Variants in GRID1 observed in about 807,000 individuals in gnomAD.
GRID1 encodes glutamate ionotropic receptor delta type subunit 1, also known as glutamate receptor ionotropic, delta-1.
Under a neutral mutation model 98.0 loss-of-function variants are expected in GRID1, and 28 were observed. The observed-to-expected ratio is 0.29, with a 90% CI of 0.21 to 0.39. The LOEUF (loss-of-function observed/expected upper bound fraction) is 0.39. Among genes scored for constraint, GRID1 ranks in the 10% least tolerant of loss-of-function variants. The probability of loss-of-function intolerance (pLI) is 1.00; values close to 1 mark genes in which losing one functional copy is unlikely to be tolerated. For synonymous variants in GRID1, 553 were observed against 538.5 expected, an observed-to-expected ratio of 1.03 and a Z score of -0.37; for missense variants, 1,111 against 1,340.5, an observed-to-expected ratio of 0.83 and a Z score of 2.67.
chr10:85,724,636 T>A lies in GRID1; in HGVS notation c.1574A>T (p.Glu525Val). The change falls in exon 11 of 16, where the codon GAG becomes GTG. Residue 525 changes from glutamate to valine, a missense_variant. Physicochemically the swap from Glu to Val is moderately radical, Grantham distance 121. Transcript: ENST00000327946. ...LAISAITITP[E>V]RESVVDFSKR... ...GCTGAAGTCCACAACGCTCTCCCTC[T>A]CTGGGGTGATGGTGATGGCAGAGAT... The A allele has an allele frequency of 6.2e-7, 1 of 1,612,712 alleles. No individual in the cohort carries two copies. Among genetic ancestry groups the A allele is most frequent in the South Asian group, 1.1e-5 (1 of 91,078 alleles).
At chr10:85,728,634 ATGT>A (rs1177827426) in intron 9 of GRID1, among the ~76,000 whole-genome samples, 1 of 152,220 alleles carries the variant, frequency 6.6e-6, no homozygotes, top group Non-Finnish European at 1.5e-5. Flanking sequence ...ACACCTGCAC[ATGT>A]TGTGCTATGC....
intron 4 of GRID1, among the ~76,000 whole-genome samples, chr10:86,049,692 A>G (rs578144011): frequency 2.0e-5 from 3 of 152,316 alleles, no homozygotes; most frequent in East Asian, 3.9e-4. Flanking sequence ...TTATGGCTGC[A>G]TTGCTTGGCT....
In GRID1 at chr10:85,834,704, C is replaced by A. The variant is rs952547119; in HGVS notation, c.1233+19792G>T. Among the ~76,000 whole-genome samples, 67 of 152,048 alleles carry A rather than the reference C, an allele frequency of 4.4e-4. 1 individual carries two copies. The highest frequency in any genetic ancestry group is 1.6e-3 in the African/African-American group (65 of 41,516). ...ACTCAAAGTGGCAAAATGTTAACAC[C>A]AATAAACTGATAAGTCACATATGTG... is the stretch of plus-strand genomic sequence containing the variant. On this transcript the variant is annotated intron_variant, in intron 8 of 15. Coordinates refer to ENST00000327946, the MANE Select transcript of GRID1 (RefSeq NM_017551.3).
Position 85,856,421 on chromosome 10 carries a change from G to C in GRID1, c.952-231C>G, listed in dbSNP as rs73338530. Among the ~76,000 whole-genome samples, 841 of 152,320 alleles carry C rather than the reference G, an allele frequency of 5.5e-3. 6 individuals are homozygous for C. Among genetic ancestry groups the C allele is most frequent in the African/African-American group, 0.019 (793 of 41,558 alleles). On this transcript the variant is annotated intron_variant, in intron 6 of 15. Coordinates refer to ENST00000327946, the MANE Select transcript of GRID1 (RefSeq NM_017551.3). ...TCAGGAACTAGAGTGGGATGTGCATGTGTACATCAACAAGGAGAACCCTTA... is the reference window on the plus strand; with the variant it reads ...TCAGGAACTAGAGTGGGATGTGCATCTGTACATCAACAAGGAGAACCCTTA...
Position 85,979,976 on chromosome 10 carries a change from C to A in GRID1, c.727-63737G>T, listed in dbSNP as rs186959159. Among the ~76,000 whole-genome samples the A allele has an allele frequency of 1.1e-3, 167 of 152,356 alleles. 1 individual carries two copies. Among genetic ancestry groups the A allele is most frequent in the Admixed American group, 8.2e-3 (125 of 15,308 alleles). On this transcript the variant is annotated intron_variant, in intron 4 of 15. Coordinates refer to ENST00000327946, the MANE Select transcript of GRID1 (RefSeq NM_017551.3). ...ACAGCAGCCAGAATGAACTTTTCAA[C>A]CAAAACACAAATTTGATAAAAGCAG...
chr10:86,143,399 A>C lies in GRID1; in HGVS notation c.521-4375T>G, dbSNP rs1373704432. ...CCCACCCTACCCCATCCCCCCAAAA[A>C]ACCTGACTGTCTGCTGCTGCTGCTC... On this transcript the variant is annotated intron_variant, in intron 3 of 15. Transcript: ENST00000327946. Among the ~76,000 whole-genome samples, 4 of 152,122 alleles carry C rather than the reference A, an allele frequency of 2.6e-5. No individual in the cohort carries two copies. In the East Asian group the frequency reaches 7.8e-4, roughly 29 times the overall value.
intron 2 of GRID1, among the ~76,000 whole-genome samples, chr10:86,324,826 A>G (rs569795424): frequency 4.0e-4 from 61 of 152,154 alleles, no homozygotes; most frequent in Non-Finnish European, 6.8e-4. Flanking sequence ...TTTTTTTGAC[A>G]TAACTTTTTA....
chr10:85,844,420 TACACACACACACACACAC>T (rs55706189), intron 8 of GRID1, among the ~76,000 whole-genome samples: 2,451 of 133,852 alleles, frequency 0.018, 74 homozygotes, highest in Admixed American at 0.075. Context: ...TACAACTAAA[TACACACACACACACACAC>T]ACACACACAC....
chr10:86,165,607 A>G (rs758796536), intron 3 of GRID1, among the ~76,000 whole-genome samples: 5 of 152,182 alleles, frequency 3.3e-5, no homozygotes, highest in Non-Finnish European at 5.9e-5. Context: ...TTGGGTGGTA[A>G]GTCGTTTCCA....
chr10:86,128,381 C>G (rs1844785099), intron 4 of GRID1, among the ~76,000 whole-genome samples: 1 of 152,174 alleles, frequency 6.6e-6, no homozygotes, highest in Admixed American at 6.5e-5. Context: ...CTGTGATGAT[C>G]TACCTCCCTC....
chr10:85,931,438 T>A (rs1379717601), intron 4 of GRID1, among the ~76,000 whole-genome samples: 5 of 152,248 alleles, frequency 3.3e-5, no homozygotes, highest in Non-Finnish European at 5.9e-5. Context: ...TACTAGAATA[T>A]TAAACTTTCT....
At chr10:85,783,254 G>A (rs543567874) in intron 8 of GRID1, among the ~76,000 whole-genome samples, 9 of 152,196 alleles carry the variant, frequency 5.9e-5, no homozygotes, top group African/African-American at 1.4e-4. Context: ...CAATGAAGGC[G>A]ACAAGAAGCT....
chr10:86,213,426 A>G (rs1352965657), intron 2 of GRID1, among the ~76,000 whole-genome samples: 2 of 151,502 alleles, frequency 1.3e-5, no homozygotes, highest in Admixed American at 1.3e-4. Context: ...AATGACTTAC[A>G]TCCTTTTTCA....
chr10:85,724,769 G>T, intron 10 of GRID1, 93 bp from the exon 11 acceptor site: 3 of 976,644 alleles, frequency 3.1e-6, no homozygotes, highest in Non-Finnish European at 4.6e-6. Flanking sequence ...CCTTTGAGTT[G>T]CTCTGTTCAG....
rs1843312997 is a variant in GRID1, at chr10:86,039,213, A to G, written c.726+99606T>C. On this transcript the variant is annotated intron_variant, in intron 4 of 15. Transcript: ENST00000327946. ...GTCATTCCTCACTCCTAACCTCTCT[A>G]TGGTCATTTTCCCCTATTCCTCCAC... Among the ~76,000 whole-genome samples, 2 of 152,058 alleles carry G rather than the reference A, an allele frequency of 1.3e-5. 1 individual carries two copies. Among genetic ancestry groups the G allele is most frequent in the South Asian group, 4.1e-4 (2 of 4,822 alleles).
chr10:85,815,989 A>T (rs1045640421), intron 8 of GRID1, among the ~76,000 whole-genome samples: 2 of 151,948 alleles, frequency 1.3e-5, no homozygotes, highest in African/African-American at 2.4e-5. Context: ...GGCTAAATTT[A>T]AAAAAATATA....
chr10:85,747,347 A>C (rs1019681044), intron 8 of GRID1, among the ~76,000 whole-genome samples: 4 of 152,184 alleles, frequency 2.6e-5, no homozygotes, highest in Non-Finnish European at 4.4e-5. Flanking sequence ...AAGGTGGTTA[A>C]CTTCCACAGT....
intron 4 of GRID1, among the ~76,000 whole-genome samples, chr10:86,093,399 A>T (rs1844175613): frequency 6.6e-6 from 1 of 152,040 alleles, no homozygotes; most frequent in Non-Finnish European, 1.5e-5. Flanking sequence ...AAAAAAAAAA[A>T]AGACAAATGA....
intron 4 of GRID1, among the ~76,000 whole-genome samples, chr10:86,115,557 C>G (rs1238499975): frequency 6.6e-6 from 1 of 152,152 alleles, no homozygotes; most frequent in Non-Finnish European, 1.5e-5. Context: ...ATCTCATTAC[C>G]CCCATTTTTC....
Sources: gnomAD v4.1 joint callset for allele counts (sites outside exome capture counted in the v4.1 genomes callset) on GRCh38, gnomAD v4.1.1 for gene constraint, MANE v1.5 for transcripts, NCBI Gene and HGNC (gene_info 2026-07-23, HGNC 2026-07-21) for gene names.